The following ARID1A variants were observed in gnomAD, a reference collection of about 807,000 sequenced individuals.
ARID1A encodes AT-rich interactive domain-containing protein 1A.
Under a neutral mutation model 212.6 loss-of-function variants are expected in ARID1A, and 20 were observed. The observed-to-expected ratio is 0.09, with a 90% confidence interval of 0.07 to 0.14. The LOEUF (loss-of-function observed/expected upper bound fraction) is 0.14. Ranked by LOEUF, ARID1A falls within the 10% of genes least tolerant of loss-of-function variation. The pLI, the probability that ARID1A is intolerant of heterozygous loss-of-function variation, is 1.00. For synonymous variants in ARID1A, 1,376 were observed against 1,222.1 expected (o/e 1.13, Z -2.63); for missense variants, 2,587 against 3,059.0 (o/e 0.85, Z 3.64).
At chr1:26,775,777 C>T (rs1289501257) in intron 19 of ARID1A, 70 bp downstream of exon 19, 2 of 1,595,666 alleles carry the variant, frequency 1.3e-6, no homozygotes, top group African/African-American at 1.3e-5. Context: ...GGGAATGTCT[C>T]ATCTTTAGCC....
intron 4 of ARID1A, among the ~76,000 whole-genome samples, chr1:26,744,261 A>G (rs1382963836): frequency 6.6e-6 from 1 of 152,180 alleles, no homozygotes; most frequent in Non-Finnish European, 1.5e-5. Context: ...CTTGCAGCAG[A>G]TTACTGTATG....
At position 26,696,085 on chromosome 1, in the gene ARID1A, C is replaced by T. The variant is rs1315690472; in HGVS notation, c.-319C>T. The stretch of plus-strand genomic sequence containing the variant: ...GCCCTGGGGAGCGGAGCCTCCACCG[C>T]CCCCCTCATTCCCAGGCAAGGGCTT... On this transcript the variant is annotated 5_prime_UTR_variant, in exon 1 of 20. Coordinates refer to ENST00000324856, the MANE Select transcript of ARID1A (RefSeq NM_006015.6). The T allele has an allele frequency of 1.3e-5, 6 of 476,112 alleles. No individual in the cohort carries two copies. The highest frequency in any genetic ancestry group is 1.7e-5 in the Non-Finnish European group (6 of 346,576). 29.5% of individuals were successfully genotyped at this position (476,112 alleles called of 1,614,324 possible). A position where few individuals can be genotyped will look rare whatever the true frequency, so the allele number is the denominator to read the frequency against.
chr1:26,732,574 C>G, intron 3 of ARID1A, 102 bp from the exon 4 acceptor site: 1 of 925,974 alleles, frequency 1.1e-6, no homozygotes, highest in East Asian at 2.5e-5. Flanking sequence ...TGGACTTTCT[C>G]TCACACTCAT....
intron 1 of ARID1A, among the ~76,000 whole-genome samples, chr1:26,704,590 G>T (rs987461553): frequency 6.6e-6 from 1 of 152,088 alleles, no homozygotes; most frequent in African/African-American, 2.4e-5. Context: ...GGGCGCGGTA[G>T]CTCACACCTA....
chr1:26,727,980 C>T (rs1298321934), intron 1 of ARID1A: 1 of 152,168 alleles, frequency 6.6e-6, no homozygotes, highest in East Asian at 1.9e-4. Context: ...TAAATTCGAA[C>T]TTCCTAAGTA....
intron 1 of ARID1A, among the ~76,000 whole-genome samples, chr1:26,719,046 G>A (rs1021483205): frequency 1.3e-5 from 2 of 152,168 alleles, no homozygotes; most frequent in Non-Finnish European, 1.5e-5. Context: ...GGGTACTCCT[G>A]TAGATCCAAA....
chr1:26,725,051 A>C (rs1254942670), intron 1 of ARID1A, among the ~76,000 whole-genome samples: 1 of 151,632 alleles, frequency 6.6e-6, no homozygotes, highest in African/African-American at 2.4e-5. Flanking sequence ...TTGCTGATCA[A>C]GGGGCAGCAT....
rs1165195486 is a variant in ARID1A, at chr1:26,696,049, A to T, written c.-355A>T. 4.5e-6 allele frequency: 3 copies of T among 672,226 alleles called. No individual in the cohort carries two copies. Among genetic ancestry groups the T allele is most frequent in the Admixed American group, 6.3e-5 (1 of 15,898 alleles). 41.6% of individuals were successfully genotyped at this position (672,226 alleles called of 1,614,324 possible). A position where few individuals can be genotyped will look rare whatever the true frequency, so the allele number is the denominator to read the frequency against. Reference sequence around the variant, plus strand: ...CCGGCAGCAGAAAGCGGAGAGTCACAGCGGGGCCAGGCCCTGGGGAGCGGA... The same window carrying T: ...CCGGCAGCAGAAAGCGGAGAGTCACTGCGGGGCCAGGCCCTGGGGAGCGGA... On this transcript the variant is annotated 5_prime_UTR_variant, in exon 1 of 20. Coordinates refer to ENST00000324856, the MANE Select transcript of ARID1A (RefSeq NM_006015.6).
chr1:26,715,016 G>C (rs1178393116), intron 1 of ARID1A, among the ~76,000 whole-genome samples: 2 of 152,264 alleles, frequency 1.3e-5, no homozygotes, highest in South Asian at 4.1e-4. Flanking sequence ...CTTCTTTGGC[G>C]GGATATAGAA....
chr1:26,724,069 C>G (rs926605045), intron 1 of ARID1A, among the ~76,000 whole-genome samples: 1 of 151,888 alleles, frequency 6.6e-6, no homozygotes. Flanking sequence ...GGTTAAAGAG[C>G]CAGGGATGCA....
At position 26,696,950 on chromosome 1, in the gene ARID1A, G is replaced by A. The variant is rs745542407; in HGVS notation, c.547G>A (p.Ala183Thr). The change falls in exon 1 of 20, where the codon GCG (alanine) becomes ACG (threonine). Residue 183 changes from alanine (A) to threonine (T), a missense_variant. This residue lies in a region of ARID1A where 735 missense variants were observed against 590.6 expected (regional missense o/e 1.24). Coordinates refer to ENST00000324856, the MANE Select transcript of ARID1A (RefSeq NM_006015.6). ...CGGACAACAAAGCCCTGGCCTGGCA[G>A]CGCTGCAGAGCGGCGGCGGCGGGGG... is the stretch of plus-strand genomic sequence containing the variant. ...HGGQQSPGLA[A>T]LQSGGGGGLE... is the part of the protein sequence containing the mutation. 17 of 1,462,354 alleles carry A rather than the reference G, an allele frequency of 1.2e-5. No individual in the cohort carries two copies. In the East Asian group the frequency reaches 3.1e-4, roughly 26 times the overall value. 90.6% of individuals were successfully genotyped at this position (1,462,354 alleles called of 1,614,324 possible).
At chr1:26,768,786 G>C (rs1231907276) in intron 11 of ARID1A, among the ~76,000 whole-genome samples, 1 of 152,206 alleles carries the variant, frequency 6.6e-6, no homozygotes, top group Non-Finnish European at 1.5e-5. Flanking sequence ...ACAGACAGCA[G>C]ACTGTGCCTT....
rs752632272 is a variant in ARID1A at position 26,762,201 on chromosome 1, C to T, written c.2301C>T (p.Pro767=). Residue 767 remains proline (P), a synonymous_variant, in exon 7 of 20, where the codon CCC becomes CCT. Transcript: ENST00000324856. ...PQMPQYSSPQ[P]GSALSPRQPS... is the part of the protein sequence containing the mutation. ...TGCCCCAGTACAGTTCCCCCCAGCC[C>T]GGCTCAGCCTTATCTCCGCGTCAGC... is the stretch of plus-strand genomic sequence containing the variant. 52 of 1,614,152 alleles carry T rather than the reference C, an allele frequency of 3.2e-5. No individual in the cohort carries two copies. Among genetic ancestry groups the T allele is most frequent in the South Asian group, 5.5e-5 (5 of 91,074 alleles).
At chr1:26,716,767 A>G (rs2080507140) in intron 1 of ARID1A, among the ~76,000 whole-genome samples, 1 of 152,126 alleles carries the variant, frequency 6.6e-6, no homozygotes, top group Admixed American at 6.5e-5. Context: ...CTGAGATTAC[A>G]GGCATGCACC....
Position 26,779,877 on chromosome 1 carries a change from T to G in ARID1A, c.5979T>G (p.Phe1993Leu). The G allele has an allele frequency of 6.2e-7, 1 of 1,614,170 alleles. No individual in the cohort carries two copies. ...CVSNTIRSLS[F>L]VPGNDFEMSK... is the part of the protein sequence containing the mutation. ...CCAATACCATTCGAAGCCTGTCATTTGTGCCAGGCAATGACTTTGAGATGT... is the reference window on the plus strand; with the variant it reads ...CCAATACCATTCGAAGCCTGTCATTGGTGCCAGGCAATGACTTTGAGATGT... The change falls in exon 20 of 20, where the codon TTT becomes TTG. Residue 1993 changes from phenylalanine to leucine, a missense_variant. By Grantham distance (22) the Phe-to-Leu change is conservative. Transcript: ENST00000324856.
At chr1:26,712,303 C>G (rs1040009165) in intron 1 of ARID1A, among the ~76,000 whole-genome samples, 1 of 152,162 alleles carries the variant, frequency 6.6e-6, no homozygotes, top group Non-Finnish European at 1.5e-5. Flanking sequence ...TGACCTCTCT[C>G]CCTCACCCCC....
At position 26,696,893 on chromosome 1, in the gene ARID1A, G is replaced by A. The variant is rs1229573624; in HGVS notation, c.490G>A (p.Ala164Thr). The A allele has an allele frequency of 2.9e-6, 4 of 1,365,786 alleles. No homozygotes were observed. Among genetic ancestry groups the A allele is most frequent in the Non-Finnish European group, 1.9e-6 (2 of 1,059,514 alleles). 84.6% of individuals were successfully genotyped at this position (1,365,786 alleles called of 1,614,324 possible). ...YGRSPSAVAA[A>T]AAAVFHQQHG... ...CCGGAGCCCGTCTGCCGTCGCCGCC[G>A]CCGCGGCCGCCGTCTTCCACCAACA... is the stretch of plus-strand genomic sequence containing the variant. The change falls in exon 1 of 20, where the codon GCC becomes ACC. Residue 164 changes from alanine (A) to threonine (T), a missense_variant. Physicochemically the swap from Ala to Thr is moderately conservative, Grantham distance 58. Coordinates refer to ENST00000324856, the MANE Select transcript of ARID1A (RefSeq NM_006015.6).
At chr1:26,699,912 ACTTT>A (rs1400396629) in intron 1 of ARID1A, among the ~76,000 whole-genome samples, 2 of 152,196 alleles carry the variant, frequency 1.3e-5, no homozygotes, top group African/African-American at 4.8e-5. Flanking sequence ...ATTATGGAAC[ACTTT>A]CTGTGTAGAT....
intron 4 of ARID1A, among the ~76,000 whole-genome samples, chr1:26,754,001 G>T (rs1252243223): frequency 6.6e-6 from 1 of 152,164 alleles, no homozygotes; most frequent in East Asian, 1.9e-4. Context: ...TAGAGATGGG[G>T]TTTCACTGTG....
Sources: gnomAD v4.1 joint callset for allele counts (sites outside exome capture counted in the v4.1 genomes callset) on GRCh38, gnomAD v4.1.1 for gene constraint, gnomAD v4.1.1 regional missense constraint, MANE v1.5 for transcripts, NCBI Gene and HGNC (gene_info 2026-07-23, HGNC 2026-07-21) for gene names.